Variants in GRIN2A observed in about 807,000 individuals in gnomAD.
GRIN2A encodes the protein glutamate ionotropic receptor NMDA type subunit 2A, also known as glutamate receptor ionotropic, NMDA 2A.
Under a neutral mutation model 113.4 loss-of-function variants are expected in GRIN2A, and 22 were observed. The ratio of observed to expected loss-of-function variants is 0.19; its 90% CI spans 0.14 to 0.28. The LOEUF is 0.28. Ranked by LOEUF, GRIN2A falls within the 10% of genes least tolerant of loss-of-function variation. GRIN2A has a pLI of 1.00. For synonymous variants in GRIN2A, 827 were observed against 738.4 expected (o/e 1.12, Z -1.94); for missense variants, 1,502 against 1,887.0 (o/e 0.80, Z 3.78).
chr16:9,968,999 G>A (rs1157470716), intron 2 of GRIN2A, among the ~76,000 whole-genome samples: 1 of 151,994 alleles, frequency 6.6e-6, no homozygotes, highest in Non-Finnish European at 1.5e-5. Flanking sequence ...ATTTTAATGT[G>A]CAATCAATAT....
At chr16:9,908,747 C>T (rs147434355) in intron 3 of GRIN2A, among the ~76,000 whole-genome samples, 6 of 152,208 alleles carry the variant, frequency 3.9e-5, no homozygotes, top group East Asian at 1.9e-4. Flanking sequence ...GAGATCCTCA[C>T]GTCAGTACGA....
At chr16:9,896,344 CA>C (rs370912963) in intron 3 of GRIN2A, among the ~76,000 whole-genome samples, 271 of 152,328 alleles carry the variant, frequency 1.8e-3, no homozygotes, top group Middle Eastern at 6.8e-3. Context: ...CCACCATGCC[CA>C]GCCAAAACAG....
At chr16:9,770,582 T>C (rs979278622) in intron 11 of GRIN2A, among the ~76,000 whole-genome samples, 15 of 152,218 alleles carry the variant, frequency 9.9e-5, no homozygotes, top group African/African-American at 2.9e-4. Flanking sequence ...ATGCAATCTA[T>C]ATTTTCTCTC....
intron 2 of GRIN2A, among the ~76,000 whole-genome samples, chr16:10,051,988 TGA>T (rs1382260414): frequency 2.6e-5 from 4 of 152,234 alleles, no homozygotes; most frequent in African/African-American, 9.6e-5. Flanking sequence ...TTGTTTGTGC[TGA>T]GAGATCTCAA....
chr16:10,006,151 G>C (rs1192425366), intron 2 of GRIN2A, among the ~76,000 whole-genome samples: 1 of 152,162 alleles, frequency 6.6e-6, no homozygotes, highest in African/African-American at 2.4e-5. Flanking sequence ...CAGGAACCTG[G>C]ACACCATCCT....
chr16:10,123,945 G>A (rs1214797530), intron 2 of GRIN2A, among the ~76,000 whole-genome samples: 1 of 152,138 alleles, frequency 6.6e-6, no homozygotes, highest in African/African-American at 2.4e-5. Context: ...CACAGTGTAT[G>A]GCACATGAGC....
intron 9 of GRIN2A, among the ~76,000 whole-genome samples, chr16:9,824,382 C>T (rs1263007258): frequency 6.6e-6 from 1 of 152,232 alleles, no homozygotes; most frequent in Non-Finnish European, 1.5e-5. Flanking sequence ...GGTAATAGTG[C>T]TGTTCATAAA....
At chr16:9,885,653 G>A (rs1392758093) in intron 4 of GRIN2A, among the ~76,000 whole-genome samples, 1 of 152,190 alleles carries the variant, frequency 6.6e-6, no homozygotes, top group African/African-American at 2.4e-5. Context: ...TCGCCTCCGA[G>A]TCCCAGAATA....
intron 2 of GRIN2A, among the ~76,000 whole-genome samples, chr16:10,175,071 G>A (rs1427555878): frequency 2.6e-5 from 4 of 152,172 alleles, no homozygotes; most frequent in Non-Finnish European, 2.9e-5. Flanking sequence ...ATTTAGTATA[G>A]CATTCATACA....
chr16:9,834,160 A>G lies in GRIN2A; in HGVS notation c.1722T>C (p.Phe574=), dbSNP rs1203101772. 1 of 1,613,570 alleles carries G rather than the reference A, an allele frequency of 6.2e-7. No homozygotes were observed. The highest frequency in any genetic ancestry group is 2.2e-5 in the East Asian group (1 of 44,866). ...CAACAGGGCTGAAGTATTCAAAGAC[A>G]AAAACAGCTATGGCAGAAACAATGA... ...MLLIVSAIAV[F]VFEYFSPVGY... The change falls in exon 8 of 13, where the codon TTT becomes TTC. Residue 574 remains phenylalanine, a synonymous_variant. Transcript: ENST00000330684.
intron 2 of GRIN2A, among the ~76,000 whole-genome samples, chr16:10,020,167 A>G (rs1369832368): frequency 6.6e-6 from 1 of 152,206 alleles, no homozygotes; most frequent in Non-Finnish European, 1.5e-5. Context: ...TAATCCCAGC[A>G]CTTTGGGAGG....
intron 2 of GRIN2A, among the ~76,000 whole-genome samples, chr16:9,987,174 G>A (rs142913078): frequency 8.7e-4 from 132 of 152,296 alleles, no homozygotes; most frequent in African/African-American, 3.0e-3. Flanking sequence ...TCTGGTCCCT[G>A]CAACCAGATT....
intron 4 of GRIN2A, among the ~76,000 whole-genome samples, chr16:9,859,288 C>T (rs2043021314): frequency 6.6e-6 from 1 of 151,826 alleles, no homozygotes; most frequent in Non-Finnish European, 1.5e-5. Context: ...AAAGTATTTC[C>T]CAAACTTCCT....
At chr16:9,792,517 C>T (rs1902673965) in intron 11 of GRIN2A, among the ~76,000 whole-genome samples, 3 of 152,126 alleles carry the variant, frequency 2.0e-5, no homozygotes, top group African/African-American at 7.2e-5. Flanking sequence ...AGCCACTGCA[C>T]CTAGCCTAAT....
At chr16:10,145,589 T>G (rs2049423069) in intron 2 of GRIN2A, among the ~76,000 whole-genome samples, 1 of 152,216 alleles carries the variant, frequency 6.6e-6, no homozygotes, top group Admixed American at 6.5e-5. Context: ...TCTCTATTCT[T>G]GTATGTTTGC....
intron 2 of GRIN2A, among the ~76,000 whole-genome samples, chr16:10,059,112 T>G (rs1205954668): frequency 6.6e-6 from 1 of 152,104 alleles, no homozygotes; most frequent in Non-Finnish European, 1.5e-5. Flanking sequence ...ACAGTCCATG[T>G]TGCTGGAGTG....
chr16:9,926,665 A>G (rs1046025328), intron 3 of GRIN2A, among the ~76,000 whole-genome samples: 2 of 152,224 alleles, frequency 1.3e-5, no homozygotes, highest in Non-Finnish European at 2.9e-5. Flanking sequence ...AATGAGTACA[A>G]GACAACCTGG....
At chr16:9,999,660 A>G (rs1217165780) in intron 2 of GRIN2A, among the ~76,000 whole-genome samples, 1 of 152,154 alleles carries the variant, frequency 6.6e-6, no homozygotes, top group Non-Finnish European at 1.5e-5. Flanking sequence ...TGATGAGCGC[A>G]GCAGACCACC....
chr16:9,906,065 C>G (rs1461061143), intron 3 of GRIN2A, among the ~76,000 whole-genome samples: 1 of 152,118 alleles, frequency 6.6e-6, no homozygotes, highest in Non-Finnish European at 1.5e-5. Context: ...ATGTCTTTCA[C>G]TTTGTTCCTA....
Sources: gnomAD v4.1 joint callset for allele counts (sites outside exome capture counted in the v4.1 genomes callset) on GRCh38, gnomAD v4.1.1 for gene constraint, MANE v1.5 for transcripts, NCBI Gene and HGNC (gene_info 2026-07-23, HGNC 2026-07-21) for gene names.